NEK9: variants seen among roughly 807,000 people sequenced by gnomAD.
NEK9 encodes the protein NIMA related kinase 9.
A neutral mutation model predicts 123.4 loss-of-function variants in NEK9; 75 were observed. That is an observed-to-expected ratio of 0.61 (90% CI 0.50 to 0.74). The LOEUF (loss-of-function observed/expected upper bound fraction) is 0.74, where lower values mean the gene tolerates loss of function less well. Ranked by LOEUF, NEK9 falls within the 30% of genes least tolerant of loss-of-function variation. NEK9 has a pLI of 0.00. For missense variants in NEK9, 952 were observed against 1,214.4 expected (o/e 0.78, Z 3.21); for synonymous variants, 438 against 458.7 (o/e 0.95, Z 0.58).
At chr14:75,098,023 G>A (rs72736225) in intron 16 of NEK9, among the ~76,000 whole-genome samples, 5,191 of 152,286 alleles carry the variant, frequency 0.034, 119 homozygotes, top group South Asian at 0.049. Context: ...GGAAACCACT[G>A]GAGGTTTTGA....
rs1895434152 is a variant in NEK9, at chr14:75,124,117, T to C, written c.326A>G (p.Asp109Gly). The C allele has an allele frequency of 1.9e-6, 3 of 1,614,114 alleles. No individual in the cohort carries two copies. Among genetic ancestry groups the C allele is most frequent in the Non-Finnish European group, 2.5e-6 (3 of 1,179,928 alleles). ...GTGATTGTAGTAGGCAATAATGTTG[T>C]CGTGCTGCAGCAGTGCCAGAATAAC... ...EIVILALLQH[D>G]NIIAYYNHFM... The change falls in exon 2 of 22, where the codon GAC (aspartate) becomes GGC (glycine). Residue 109 changes from aspartate to glycine, a missense_variant. By Grantham distance (94) the Asp-to-Gly change is moderately conservative. Coordinates refer to ENST00000238616, the MANE Select transcript of NEK9 (RefSeq NM_033116.6).
rs202032678 is a variant in NEK9 at position 75,124,221 on chromosome 14, A to G, written c.222T>C (p.Asp74=). The G allele has an allele frequency of 2.9e-4, 468 of 1,613,668 alleles. 1 individual carries two copies. In the Middle Eastern group the frequency reaches 3.0e-3, roughly 10 times the overall value. ...CTTCCTTCCACACAACCAGTGAGTC[A>G]TCCTAAACACAGTAACAGAGGTATC... is the stretch of plus-strand genomic sequence containing the variant. ...GEATLYRRTE[D]DSLVVWKEVD... Residue 74 remains aspartate (D), a splice_region_variant and synonymous_variant, in exon 2 of 22, where the codon GAT becomes GAC. Coordinates refer to ENST00000238616, the MANE Select transcript of NEK9 (RefSeq NM_033116.6).
At position 75,097,173 on chromosome 14, in the gene NEK9, A is replaced by C. The variant is rs1255852270; in HGVS notation, c.2100T>G (p.Pro700=). ...GATGCAGAGATCCAAAAATAGGCCG[A>C]GGCCATGAGGTACAGATATCAGAGC... ...PHGSDICTSW[P]RPIFGSLHHV... The change falls in exon 17 of 22, where the codon CCT becomes CCG. Residue 700 remains proline (P), a synonymous_variant. Coordinates refer to ENST00000238616, the MANE Select transcript of NEK9 (RefSeq NM_033116.6). 6.2e-7 allele frequency: 1 copy of C among 1,613,998 alleles called. No homozygotes were observed. The highest frequency in any genetic ancestry group is 1.1e-5 in the South Asian group (1 of 91,044).
chr14:75,105,086 T>C (rs1182012860), intron 13 of NEK9, among the ~76,000 whole-genome samples: 1 of 152,122 alleles, frequency 6.6e-6, no homozygotes, highest in Non-Finnish European at 1.5e-5. Flanking sequence ...TCATATCTTT[T>C]TACAGCTAAC....
In NEK9 at chr14:75,109,669, C is replaced by T. The variant is rs773389056; in HGVS notation, c.1182+16G>A. ...AGGCTTACAGCACTGTTCCAAAATGCTTAGCGTTCACTTACCACCCAAGTG... is the reference window on the plus strand; with the variant it reads ...AGGCTTACAGCACTGTTCCAAAATGTTTAGCGTTCACTTACCACCCAAGTG... On this transcript the variant is annotated intron_variant, in intron 10 of 21. Transcript: ENST00000238616. 1 of 1,606,076 alleles carries T rather than the reference C, an allele frequency of 6.2e-7. No individual in the cohort carries two copies. Among genetic ancestry groups the T allele is most frequent in the South Asian group, 1.1e-5 (1 of 90,190 alleles).
intron 6 of NEK9, among the ~76,000 whole-genome samples, chr14:75,114,943 A>G (rs1895078026): frequency 6.6e-6 from 1 of 152,180 alleles, no homozygotes; most frequent in Admixed American, 6.6e-5. Context: ...AAATGGAGCT[A>G]TAATTCCAAC....
chr14:75,100,213 G>A (rs187321668), intron 16 of NEK9, among the ~76,000 whole-genome samples: 138 of 142,890 alleles, frequency 9.7e-4, no homozygotes, highest in Admixed American at 2.4e-3. Context: ...TTGGGAGGCC[G>A]AGGCAAGCGG....
Position 75,082,906 on chromosome 14 carries a change from C to G in NEK9, c.*1658G>C, listed in dbSNP as rs1450301389. 2.8e-5 allele frequency: 11 copies of G among 398,404 alleles called. No individual in the cohort carries two copies. Among genetic ancestry groups the G allele is most frequent in the Non-Finnish European group, 4.9e-5 (11 of 226,072 alleles). The allele number at this position is 398,404 out of a possible 1,614,324, so 24.7% of individuals were successfully genotyped here. On this transcript the variant is annotated 3_prime_UTR_variant, in exon 22 of 22. Transcript: ENST00000238616. ...CAAAGTTTGGCTGCTTCCCTTATTT[C>G]AAGAAAAGGTTTCAGTGATTACATT...
At position 75,091,348 on chromosome 14, in the gene NEK9, C is replaced by T. The variant is rs148141898; in HGVS notation, c.2364G>A (p.Met788Ile). The stretch of plus-strand genomic sequence containing the variant: ...CCTCTGTGGGACTGATTAAACCTTC[C>T]ATTCCTCGGTCTGCTTCCATTGTTC... ...FRGTMEADRG[M>I]EGLISPTEAM... The change falls in exon 19 of 22, where the codon ATG (methionine) becomes ATA (isoleucine). Residue 788 changes from methionine (M) to isoleucine (I), a missense_variant. This residue lies in a region of NEK9 where 698 missense variants were observed against 875.6 expected (regional missense o/e 0.80). Coordinates refer to ENST00000238616, the MANE Select transcript of NEK9 (RefSeq NM_033116.6). The T allele has an allele frequency of 3.3e-5, 54 of 1,614,142 alleles. No homozygotes were observed. In the African/African-American group the frequency reaches 5.6e-4, roughly 17 times the overall value.
chr14:75,121,107 A>C lies in NEK9; in HGVS notation c.453+12T>G. 3 of 1,602,550 alleles carry C rather than the reference A, an allele frequency of 1.9e-6. No individual in the cohort carries two copies. Among genetic ancestry groups the C allele is most frequent in the Middle Eastern group, 3.3e-4 (2 of 6,038 alleles). The stretch of plus-strand genomic sequence containing the variant: ...TACAATTCTAACTTCCTTCCACAGA[A>C]ATATGAATTACCTCTTCCTCAAACA... On this transcript the variant is annotated intron_variant, in intron 3 of 21. Coordinates refer to ENST00000238616, the MANE Select transcript of NEK9 (RefSeq NM_033116.6).
Position 75,126,738 on chromosome 14 carries a change from C to A in NEK9, c.184G>T (p.Ala62Ser). Residue 62 changes from alanine to serine, a missense_variant, in exon 1 of 22, where the codon GCC becomes TCC. This residue lies in a region of NEK9 where 120 missense variants were observed against 97.6 expected (regional missense o/e 1.23). Transcript: ENST00000238616. ...CGGTACAGCGTGGCTTCCCCGAAGG[C>A]GCCGCGGCCCAGGACGCGGATGGGG... ...YIPIRVLGRG[A>S]FGEATLYRRT... The A allele has an allele frequency of 6.7e-7, 1 of 1,488,598 alleles. No homozygotes were observed. Among genetic ancestry groups the A allele is most frequent in the Non-Finnish European group, 8.9e-7 (1 of 1,120,218 alleles). 92.2% of individuals were successfully genotyped at this position (1,488,598 alleles called of 1,614,324 possible).
Position 75,082,402 on chromosome 14 carries a change from T to C in NEK9, c.*2162A>G, listed in dbSNP as rs1057288300. On this transcript the variant is annotated 3_prime_UTR_variant, in exon 22 of 22. Coordinates refer to ENST00000238616, the MANE Select transcript of NEK9 (RefSeq NM_033116.6). ...TCTTTTACTCCATCCCCCTTTGAAC[T>C]GGTTTCTGTTTGCATACTTGTTTGG... 6 of 152,214 alleles carry C rather than the reference T, an allele frequency of 3.9e-5. No homozygotes were observed. The highest frequency in any genetic ancestry group is 1.4e-4 in the African/African-American group (6 of 41,442). 9.4% of individuals were successfully genotyped at this position (152,214 alleles called of 1,614,324 possible). A position where few individuals can be genotyped will look rare whatever the true frequency, so the allele number is the denominator to read the frequency against.
Position 75,091,448 on chromosome 14 carries a change from C to A in NEK9, c.2264G>T (p.Gly755Val). The A allele has an allele frequency of 6.2e-7, 1 of 1,602,952 alleles. No individual in the cohort carries two copies. The highest frequency in any genetic ancestry group is 1.3e-5 in the African/African-American group (1 of 74,854). ...CTCTTCTTCACCACCGCCGCCCCCG[C>A]CGCCTCCTCCCGGGCTAGAGCTCTG... ...VFQSSSPGGG[G>V]GGGGGEEEDS... Residue 755 changes from glycine to valine, a missense_variant, in exon 19 of 22, where the codon GGC becomes GTC. By Grantham distance (109) the Gly-to-Val change is moderately radical. Coordinates refer to ENST00000238616, the MANE Select transcript of NEK9 (RefSeq NM_033116.6).
chr14:75,113,284 C>G, intron 8 of NEK9, 55 bp downstream of exon 8: 1 of 1,353,814 alleles, frequency 7.4e-7, no homozygotes, highest in East Asian at 2.3e-5. Context: ...CTGATCAAGC[C>G]TCTAAAAGTC....
chr14:75,105,556 C>T (rs1327517882), intron 13 of NEK9, among the ~76,000 whole-genome samples: 1 of 152,242 alleles, frequency 6.6e-6, no homozygotes, highest in East Asian at 1.9e-4. Flanking sequence ...ATTAATATTT[C>T]ATCTGGTGGT....
At chr14:75,099,826 T>C (rs1594831998) in intron 16 of NEK9, among the ~76,000 whole-genome samples, 1 of 145,368 alleles carries the variant, frequency 6.9e-6, no homozygotes, top group Non-Finnish European at 1.5e-5. Flanking sequence ...CAGACAATAC[T>C]GCGGAAAGAA....
chr14:75,090,115 G>A (rs1052114154), intron 19 of NEK9, among the ~76,000 whole-genome samples: 1 of 151,942 alleles, frequency 6.6e-6, no homozygotes, highest in East Asian at 1.9e-4. Context: ...TTACAGATGT[G>A]AGCCACCATG....
At chr14:75,120,399 A>G in intron 4 of NEK9, 111 bp downstream of exon 4, 2 of 658,164 alleles carry the variant, frequency 3.0e-6, no homozygotes, top group Non-Finnish European at 2.7e-6. Context: ...ATATCAATGG[A>G]AAAACTCTTG....
chr14:75,091,052 A>C (rs1894198931), intron 19 of NEK9, among the ~76,000 whole-genome samples: 1 of 152,168 alleles, frequency 6.6e-6, no homozygotes, highest in South Asian at 2.1e-4. Flanking sequence ...TAATACATTC[A>C]CTTAAGTAAC....
Sources: gnomAD v4.1 joint callset for allele counts (sites outside exome capture counted in the v4.1 genomes callset) on GRCh38, gnomAD v4.1.1 for gene constraint, gnomAD v4.1.1 regional missense constraint, MANE v1.5 for transcripts, NCBI Gene and HGNC (gene_info 2026-07-23, HGNC 2026-07-21) for gene names.